CDKL5: variants seen among roughly 807,000 people sequenced by gnomAD.
CDKL5 encodes cyclin dependent kinase like 5, also known as cyclin-dependent kinase-like 5.
A neutral mutation model predicts 61.7 loss-of-function variants in CDKL5; 8 were observed. The observed-to-expected ratio is 0.13, with a 90% CI of 0.08 to 0.23. The LOEUF is 0.23. Among genes scored for constraint, CDKL5 ranks in the 10% least tolerant of loss-of-function variants. The pLI, the probability that CDKL5 is intolerant of heterozygous loss-of-function variation, is 1.00. For synonymous variants in CDKL5, 275 were observed against 272.3 expected (o/e 1.01, Z -0.10); for missense variants, 440 against 734.5 (o/e 0.60, Z 4.63).
intron 1 of CDKL5, among the ~76,000 whole-genome samples, chrX:18,439,045 G>GCCCCCCCCCCCCCC (rs367844172): frequency 1.9e-3 from 73 of 37,467 alleles, no homozygotes; most frequent in Non-Finnish European, 2.4e-3. Context: ...GCCCCTTTTT[G>GCCCCCCCCCCCCCC]CCCCCCCCCC....
Position 18,431,027 on chromosome X carries a change from A to G in CDKL5, c.-163+5332A>G, listed in dbSNP as rs937973993. ...CAGGCGCCTGCCACCACGCCTGGCT[A>G]ATTTTTTTGCATTTTTAGTAGAGAC... On this transcript the variant is annotated intron_variant, in intron 1 of 17. Coordinates refer to ENST00000623535, the MANE Select transcript of CDKL5 (RefSeq NM_001323289.2). 3.7e-5 allele frequency among the ~76,000 whole-genome samples: 4 copies of G among 108,253 alleles called. No homozygotes were observed. The Admixed American group carries it at 4.0e-4, about 11-fold the overall frequency. The allele number at this position is 108,253 out of a possible 115,157, so 94.0% of individuals were successfully genotyped here.
intron 3 of CDKL5, among the ~76,000 whole-genome samples, chrX:18,521,436 A>G (rs1017167251): frequency 1.2e-4 from 13 of 111,261 alleles, no homozygotes; most frequent in Admixed American, 1.9e-4. Context: ...GCCGAATCCA[A>G]TGTCATGAAG....
At chrX:18,535,177 G>T in intron 3 of CDKL5, 1 of 117,173 alleles carries the variant, frequency 8.5e-6, no homozygotes, top group South Asian at 3.2e-4. Context: ...TCCTGCTCCT[G>T]AGTACTGCAG....
At chrX:18,481,224 ACTT>A (rs970753029) in intron 1 of CDKL5, among the ~76,000 whole-genome samples, 1 of 102,312 alleles carries the variant, frequency 9.8e-6, no homozygotes, top group Non-Finnish European at 2.0e-5. Flanking sequence ...TTTTAAACCT[ACTT>A]CTTTATTTTC....
In CDKL5 at chrX:18,588,931, C is replaced by CA. The variant is rs1296674147; in HGVS notation, c.744+798dup. On this transcript the variant is annotated intron_variant, in intron 9 of 17. Coordinates refer to ENST00000623535, the MANE Select transcript of CDKL5 (RefSeq NM_001323289.2). Reference sequence around the variant, plus strand: ...TCTGTCTCAAAAAAAAAAACAAAAACAAAAAAAAAACAACAACTAGTGTAT... The same window carrying CA: ...TCTGTCTCAAAAAAAAAAACAAAAACAAAAAAAAAAACAACAACTAGTGTAT... 3.6e-3 allele frequency: 364 copies of CA among 101,060 alleles called. 1 individual carries two copies. Among genetic ancestry groups the CA allele is most frequent in the Non-Finnish European group, 5.8e-3 (283 of 49,156 alleles). 8.3% of individuals were successfully genotyped at this position (101,060 alleles called of 1,213,427 possible).
At chrX:18,472,306 G>T (rs766025088) in intron 1 of CDKL5, among the ~76,000 whole-genome samples, 1 of 111,481 alleles carries the variant, frequency 9.0e-6, no homozygotes, top group Non-Finnish European at 1.9e-5. Flanking sequence ...CCTTTCCCTA[G>T]TGTATTTTAC....
intron 7 of CDKL5, among the ~76,000 whole-genome samples, chrX:18,583,348 C>T (rs890508294): frequency 4.2e-4 from 47 of 111,190 alleles, no homozygotes; most frequent in Admixed American, 7.7e-4. Context: ...TCCCAGAGTA[C>T]GCACTCCTTG....
rs1336237319 is a variant in CDKL5 at position 18,584,388 on chromosome X, A to G, written c.554+35A>G. ...CGTCCCAAAATAGAATGACATTTCC[A>G]CATCTGCTGATTCTATTGTCATTTG... On this transcript the variant is annotated intron_variant, in intron 8 of 17. Coordinates refer to ENST00000623535, the MANE Select transcript of CDKL5 (RefSeq NM_001323289.2). 5.8e-6 allele frequency: 5 copies of G among 869,313 alleles called. No individual in the cohort carries two copies. The Admixed American group carries it at 1.1e-4, about 19-fold the overall frequency. The allele number at this position is 869,313 out of a possible 1,213,427, so 71.6% of individuals were successfully genotyped here.
At chrX:18,622,631 G>A (rs141169501) in intron 16 of CDKL5, among the ~76,000 whole-genome samples, 1 of 112,330 alleles carries the variant, frequency 8.9e-6, no homozygotes. Flanking sequence ...ACATAGAGAC[G>A]CATGACATGT....
In CDKL5 at chrX:18,630,203, C is replaced by G; in HGVS notation, c.*1446C>G. 1.3e-6 allele frequency: 1 copy of G among 751,210 alleles called. No individual in the cohort carries two copies. The highest frequency in any genetic ancestry group is 1.6e-6 in the Non-Finnish European group (1 of 638,688). 61.9% of individuals were successfully genotyped at this position (751,210 alleles called of 1,213,427 possible). On this transcript the variant is annotated 3_prime_UTR_variant, in exon 18 of 18. Coordinates refer to ENST00000623535, the MANE Select transcript of CDKL5 (RefSeq NM_001323289.2). ...GCACACCTGTTACGCACACAACCCCCATCAGAACAGGACCTATCTTCCCCT... is the reference window on the plus strand; with the variant it reads ...GCACACCTGTTACGCACACAACCCCGATCAGAACAGGACCTATCTTCCCCT...
Position 18,631,346 on chromosome X carries a change from G to C in CDKL5, c.*2589G>C, listed in dbSNP as rs1342462892. On this transcript the variant is annotated 3_prime_UTR_variant, in exon 18 of 18. Transcript: ENST00000623535. ...TTAATCCTCTTCTCAGCTTTTGTCTGTTCTGACTTTTCATCCAATAAGCTG... is the reference window on the plus strand; with the variant it reads ...TTAATCCTCTTCTCAGCTTTTGTCTCTTCTGACTTTTCATCCAATAAGCTG... 1.3e-6 allele frequency: 1 copy of C among 752,667 alleles called. No homozygotes were observed. Among genetic ancestry groups the C allele is most frequent in the Non-Finnish European group, 1.6e-6 (1 of 638,781 alleles). The allele number at this position is 752,667 out of a possible 1,213,427, so 62.0% of individuals were successfully genotyped here. A position where few individuals can be genotyped will look rare whatever the true frequency, so the allele number is the denominator to read the frequency against.
At chrX:18,553,611 G>GCCT (rs1924484358) in intron 3 of CDKL5, among the ~76,000 whole-genome samples, 1 of 110,528 alleles carries the variant, frequency 9.0e-6, no homozygotes, top group African/African-American at 3.3e-5. Context: ...TCACGTCTCA[G>GCCT]CCTCCCGAGT....
At chrX:18,520,034 A>G (rs1392908741) in intron 3 of CDKL5, among the ~76,000 whole-genome samples, 10 of 111,965 alleles carry the variant, frequency 8.9e-5, no homozygotes, top group Admixed American at 4.7e-4. Flanking sequence ...ACAAGTCAGT[A>G]GATGGTTGAG....
In CDKL5 at chrX:18,633,081, G is replaced by T; in HGVS notation, c.*4324G>T. Reference sequence around the variant, plus strand: ...GGTGCTGGAGCTCAGCTGGGACTCAGTAAATCTGCACGTTCTCTGCTGGTC... The same window carrying T: ...GGTGCTGGAGCTCAGCTGGGACTCATTAAATCTGCACGTTCTCTGCTGGTC... On this transcript the variant is annotated 3_prime_UTR_variant, in exon 18 of 18. Coordinates refer to ENST00000623535, the MANE Select transcript of CDKL5 (RefSeq NM_001323289.2). 1 of 754,393 alleles carries T rather than the reference G, an allele frequency of 1.3e-6. No individual in the cohort carries two copies. The highest frequency in any genetic ancestry group is 2.3e-5 in the African/African-American group (1 of 43,796). The allele number at this position is 754,393 out of a possible 1,213,427, so 62.2% of individuals were successfully genotyped here.
chrX:18,446,618 G>A (rs1254245098), intron 1 of CDKL5, among the ~76,000 whole-genome samples: 3 of 111,798 alleles, frequency 2.7e-5, no homozygotes, highest in Non-Finnish European at 5.6e-5. Flanking sequence ...TACAGTATGT[G>A]ATTTCTGTGG....
intron 1 of CDKL5, among the ~76,000 whole-genome samples, chrX:18,449,597 C>T (rs764502485): frequency 8.9e-6 from 1 of 112,560 alleles, no homozygotes; most frequent in Non-Finnish European, 1.9e-5. Flanking sequence ...GCTGATTCTC[C>T]TGAAGGAAAA....
At position 18,638,068 on chromosome X, in the gene CDKL5, C is replaced by T. The variant is rs1199417876; in HGVS notation, c.*9311C>T. On this transcript the variant is annotated 3_prime_UTR_variant, in exon 18 of 18. Transcript: ENST00000623535. ...TCAGTGGGCCTTAGCAACCAAGCCC[C>T]AAGTGGACAGAAAGATGGGGTTCTG... The T allele has an allele frequency of 2.7e-5, 3 of 111,286 alleles. No homozygotes were observed. Among genetic ancestry groups the T allele is most frequent in the African/African-American group, 9.8e-5 (3 of 30,575 alleles). 9.2% of individuals were successfully genotyped at this position (111,286 alleles called of 1,213,427 possible).
intron 11 of CDKL5, among the ~76,000 whole-genome samples, chrX:18,599,416 A>G (rs918371747): frequency 1.8e-5 from 2 of 112,521 alleles, no homozygotes; most frequent in Admixed American, 9.4e-5. Flanking sequence ...CTCATCTACT[A>G]TTACAAGATA....
At chrX:18,475,304 T>A (rs1224314910) in intron 1 of CDKL5, among the ~76,000 whole-genome samples, 2 of 110,963 alleles carry the variant, frequency 1.8e-5, no homozygotes, top group African/African-American at 6.6e-5. Flanking sequence ...TTTTCTTCTT[T>A]GTTTTTTTGA....
Sources: gnomAD v4.1 joint callset for allele counts (sites outside exome capture counted in the v4.1 genomes callset) on GRCh38, gnomAD v4.1.1 for gene constraint, MANE v1.5 for transcripts, NCBI Gene and HGNC (gene_info 2026-07-23, HGNC 2026-07-21) for gene names.